Variants in KLC1 observed in about 807,000 individuals in gnomAD.
KLC1 encodes kinesin light chain 1, also known as kinesin 2 60/70kDa.
In KLC1, 30 loss-of-function variants were observed where a neutral mutation model predicts 84.2. The observed-to-expected ratio is 0.36, with a 90% CI of 0.27 to 0.48. KLC1 has a LOEUF of 0.48. KLC1 is among the 20% of genes least tolerant of loss of function. KLC1 has a pLI of 0.99. For missense variants in KLC1, 499 were observed against 805.4 expected (o/e 0.62, Z 4.60); for synonymous variants, 289 against 293.3 (o/e 0.99, Z 0.15).
intron 5 of KLC1, among the ~76,000 whole-genome samples, chr14:103,665,390 C>T (rs771121034): frequency 1.3e-5 from 2 of 151,660 alleles, no homozygotes; most frequent in Non-Finnish European, 2.9e-5. Context: ...TTCTTTCTTT[C>T]TGTCTGTCTG....
chr14:103,641,746 C>T (rs953100581), intron 1 of KLC1, among the ~76,000 whole-genome samples: 1 of 151,794 alleles, frequency 6.6e-6, no homozygotes, highest in African/African-American at 2.4e-5. Flanking sequence ...TTCATCCTCC[C>T]AAGTAGCTGG....
chr14:103,685,969 T>G lies in KLC1; in HGVS notation c.1651-1112T>G, dbSNP rs189671847. The G allele has an allele frequency of 5.6e-4, 622 of 1,118,178 alleles. 18 individuals carry two copies. In the East Asian group the frequency reaches 0.036, roughly 64 times the overall value. 69.3% of individuals were successfully genotyped at this position (1,118,178 alleles called of 1,614,324 possible). ...AGGTAGTTAAGTGTCACACAAGGTG[T>G]TGTTGCAATGGCATGACGGTGACCT... On this transcript the variant is annotated intron_variant, in intron 13 of 16. Coordinates refer to ENST00000334553, the MANE Select transcript of KLC1 (RefSeq NM_001394837.1).
At chr14:103,674,222 G>T (rs74749630) in intron 9 of KLC1, among the ~76,000 whole-genome samples, 1 of 151,924 alleles carries the variant, frequency 6.6e-6, no homozygotes, top group South Asian at 2.1e-4. Context: ...AAACCATACC[G>T]TCCATATCAT....
chr14:103,663,919 G>T (rs545811648), intron 5 of KLC1, among the ~76,000 whole-genome samples: 1 of 152,154 alleles, frequency 6.6e-6, no homozygotes, highest in South Asian at 2.1e-4. Flanking sequence ...CTACCCACAC[G>T]CATAAGTGAT....
intron 15 of KLC1, chr14:103,699,497 G>A (rs759919423): frequency 1.9e-5 from 30 of 1,612,768 alleles, no homozygotes; most frequent in Middle Eastern, 1.6e-4. Flanking sequence ...GGCTGCCACC[G>A]AGTCGATGAC....
At chr14:103,646,509 A>G (rs1415682898) in intron 1 of KLC1, among the ~76,000 whole-genome samples, 2 of 152,040 alleles carry the variant, frequency 1.3e-5, no homozygotes, top group Non-Finnish European at 2.9e-5. Context: ...ATGCATATAT[A>G]TGTGTATATA....
intron 1 of KLC1, among the ~76,000 whole-genome samples, chr14:103,649,174 A>G (rs949201357): frequency 6.6e-6 from 1 of 151,424 alleles, no homozygotes; most frequent in East Asian, 1.9e-4. Flanking sequence ...ACAATTGCCT[A>G]TACTCCTAGC....
chr14:103,656,912 C>G (rs2151513804), intron 2 of KLC1, among the ~76,000 whole-genome samples: 1 of 152,290 alleles, frequency 6.6e-6, no homozygotes, highest in East Asian at 1.9e-4. Flanking sequence ...TCTTATGCTC[C>G]TAGGAACTTG....
At chr14:103,645,054 A>G (rs888741037) in intron 1 of KLC1, among the ~76,000 whole-genome samples, 1 of 151,528 alleles carries the variant, frequency 6.6e-6, no homozygotes, top group Non-Finnish European at 1.5e-5. Context: ...GCTCACTGCA[A>G]CCTCCGCCTC....
At chr14:103,640,345 C>T (rs2077386201) in intron 1 of KLC1, among the ~76,000 whole-genome samples, 1 of 152,114 alleles carries the variant, frequency 6.6e-6, no homozygotes, top group Non-Finnish European at 1.5e-5. Context: ...CAGGCATGAG[C>T]CACTGCCCCT....
chr14:103,667,890 C>G (rs537756803), intron 5 of KLC1, among the ~76,000 whole-genome samples: 79 of 152,302 alleles, frequency 5.2e-4, no homozygotes, highest in Non-Finnish European at 1.0e-3. Flanking sequence ...TGTTCTCAGT[C>G]ACATCAGTAG....
chr14:103,672,025 A>G, intron 7 of KLC1, among the ~76,000 whole-genome samples: 1 of 152,186 alleles, frequency 6.6e-6, no homozygotes, highest in East Asian at 1.9e-4. Flanking sequence ...AGTTCCTCCC[A>G]CTAGGACACA....
rs114215536 is a variant in KLC1, at chr14:103,672,024, C to T, written c.988-990C>T. Among the ~76,000 whole-genome samples, 578 of 152,282 alleles carry T rather than the reference C, an allele frequency of 3.8e-3. 4 individuals carry two copies. The highest frequency in any genetic ancestry group is 0.013 in the African/African-American group (553 of 41,538). On this transcript the variant is annotated intron_variant, in intron 7 of 16. Coordinates refer to ENST00000334553, the MANE Select transcript of KLC1 (RefSeq NM_001394837.1). Reference sequence around the variant, plus strand: ...TACAGATCAGACATGTAGTTCCTCCCACTAGGACACAGTCCACTGGACAGA... The same window carrying T: ...TACAGATCAGACATGTAGTTCCTCCTACTAGGACACAGTCCACTGGACAGA...
At chr14:103,643,613 A>G (rs896853693) in intron 1 of KLC1, among the ~76,000 whole-genome samples, 1 of 152,212 alleles carries the variant, frequency 6.6e-6, no homozygotes, top group Non-Finnish European at 1.5e-5. Context: ...GGCATGAGAC[A>G]TCAATCAGAT....
chr14:103,649,133 T>C (rs925032259), intron 1 of KLC1, among the ~76,000 whole-genome samples: 2 of 151,556 alleles, frequency 1.3e-5, no homozygotes, highest in African/African-American at 4.9e-5. Flanking sequence ...TGAGAGCCTG[T>C]CTTAAAAAAA....
intron 1 of KLC1, among the ~76,000 whole-genome samples, chr14:103,635,545 G>C (rs569544341): frequency 6.6e-6 from 1 of 152,206 alleles, no homozygotes; most frequent in Non-Finnish European, 1.5e-5. Flanking sequence ...CCTGAGGTCA[G>C]GAGTTTGAGA....
chr14:103,642,763 T>G (rs2077588784), intron 1 of KLC1, among the ~76,000 whole-genome samples: 1 of 151,702 alleles, frequency 6.6e-6, no homozygotes, highest in Non-Finnish European at 1.5e-5. Flanking sequence ...GTTTTTTGGT[T>G]TTTTGGTTTT....
At chr14:103,646,148 A>T (rs955424152) in intron 1 of KLC1, among the ~76,000 whole-genome samples, 2 of 152,168 alleles carry the variant, frequency 1.3e-5, no homozygotes, top group Admixed American at 6.6e-5. Flanking sequence ...ATTGTACAGA[A>T]TTTGTCTATT....
chr14:103,667,059 G>A (rs1013346360), intron 5 of KLC1, among the ~76,000 whole-genome samples: 2 of 152,212 alleles, frequency 1.3e-5, no homozygotes, highest in Non-Finnish European at 2.9e-5. Context: ...GATTACAGGC[G>A]TGAGCCACCA....
Sources: allele counts gnomAD v4.1 joint callset (sites outside exome capture counted in the v4.1 genomes callset), GRCh38; gene constraint gnomAD v4.1.1; transcripts MANE v1.5; gene names NCBI Gene and HGNC (gene_info 2026-07-23, HGNC 2026-07-21).